MYRIP: variants seen among roughly 807,000 people sequenced by gnomAD.
MYRIP encodes the protein rab effector MyRIP.
Under a neutral mutation model 98.0 loss-of-function variants are expected in MYRIP, and 49 were observed. The ratio of observed to expected loss-of-function variants is 0.50; its 90% CI spans 0.40 to 0.63. MYRIP has a LOEUF of 0.63. Among genes scored for constraint, MYRIP ranks in the 30% least tolerant of loss-of-function variants. The pLI is 0.00. For synonymous variants in MYRIP, 404 were observed against 409.5 expected, an observed-to-expected ratio of 0.99 and a Z score of 0.16; for missense variants, 1,004 against 1,058.2, an observed-to-expected ratio of 0.95 and a Z score of 0.71.
At chr3:39,905,144 C>T (rs1943846691) in intron 2 of MYRIP, among the ~76,000 whole-genome samples, 1 of 152,152 alleles carries the variant, frequency 6.6e-6, no homozygotes, top group Non-Finnish European at 1.5e-5. Context: ...TCAAAAAGTT[C>T]ATATTGTACT....
chr3:40,090,938 T>C (rs1418810981), intron 3 of MYRIP, among the ~76,000 whole-genome samples: 1 of 152,194 alleles, frequency 6.6e-6, no homozygotes, highest in Non-Finnish European at 1.5e-5. Context: ...GGATGCCGTT[T>C]CTTTCTTTCA....
intron 9 of MYRIP, among the ~76,000 whole-genome samples, chr3:40,189,602 T>G (rs1951142979): frequency 1.3e-5 from 2 of 152,170 alleles, no homozygotes; most frequent in Non-Finnish European, 1.5e-5. Flanking sequence ...ATCTCTGAGT[T>G]TCTCTGCATC....
intron 3 of MYRIP, among the ~76,000 whole-genome samples, chr3:40,058,546 TTGCTA>T (rs1270807302): frequency 1.3e-5 from 2 of 152,202 alleles, no homozygotes; most frequent in African/African-American, 4.8e-5. Context: ...TTTTAAAAGT[TTGCTA>T]TGCAATTATA....
intron 2 of MYRIP, among the ~76,000 whole-genome samples, chr3:39,934,625 T>C (rs184317881): frequency 1.3e-5 from 2 of 152,290 alleles, no homozygotes; most frequent in African/African-American, 4.8e-5. Flanking sequence ...CAGGATCTGA[T>C]GAGAAGCTTT....
intron 1 of MYRIP, among the ~76,000 whole-genome samples, chr3:39,813,679 T>G (rs1940777080): frequency 6.6e-6 from 1 of 152,188 alleles, no homozygotes; most frequent in Non-Finnish European, 1.5e-5. Context: ...TTCTTTTGTC[T>G]TCACTGGCAC....
At chr3:39,879,402 G>A (rs1401579144) in intron 1 of MYRIP, among the ~76,000 whole-genome samples, 4 of 150,082 alleles carry the variant, frequency 2.7e-5, no homozygotes, top group Non-Finnish European at 4.4e-5. Flanking sequence ...TTCCTCACAT[G>A]TCTAGCAATT....
At chr3:40,026,197 A>G (rs571978328) in intron 2 of MYRIP, among the ~76,000 whole-genome samples, 59 of 152,192 alleles carry the variant, frequency 3.9e-4, no homozygotes, top group African/African-American at 1.3e-3. Flanking sequence ...CCTTGCTAGG[A>G]AAAGAATTTA....
chr3:39,917,182 T>A (rs1436746985), intron 2 of MYRIP, among the ~76,000 whole-genome samples: 1 of 152,014 alleles, frequency 6.6e-6, no homozygotes, highest in Non-Finnish European at 1.5e-5. Context: ...TACATATGAC[T>A]AAAAAGAATA....
chr3:40,099,454 A>G (rs1294169639), intron 3 of MYRIP, among the ~76,000 whole-genome samples: 1 of 152,194 alleles, frequency 6.6e-6, no homozygotes, highest in African/African-American at 2.4e-5. Context: ...ACAAATAAAG[A>G]TACTGAGGTT....
intron 2 of MYRIP, among the ~76,000 whole-genome samples, chr3:39,984,236 A>ATTTG (rs1171816433): frequency 1.1e-5 from 1 of 92,712 alleles, no homozygotes; most frequent in African/African-American, 4.5e-5. Flanking sequence ...TATTTTATTT[A>ATTTG]TTGTTATACT....
At position 40,096,113 on chromosome 3, in the gene MYRIP, A is replaced by G. The variant is rs146612689; in HGVS notation, c.332+51842A>G. Among the ~76,000 whole-genome samples the G allele has an allele frequency of 3.7e-3, 551 of 149,504 alleles. 4 individuals carry two copies. The highest frequency in any genetic ancestry group is 0.013 in the African/African-American group (525 of 40,416). The stretch of plus-strand genomic sequence containing the variant: ...CCATGTCTGTGACTGCTGTCCCTTC[A>G]AAGGTTGGCCTTCATAGGTTTTCTC... On this transcript the variant is annotated intron_variant, in intron 3 of 16. Transcript: ENST00000302541.
chr3:39,991,004 T>C (rs372354491), intron 2 of MYRIP, among the ~76,000 whole-genome samples: 29 of 151,628 alleles, frequency 1.9e-4, no homozygotes, highest in African/African-American at 6.8e-4. Context: ...TGTCGGGGAG[T>C]GTGGGGCTAC....
chr3:40,126,801 C>T (rs761233792), intron 3 of MYRIP, among the ~76,000 whole-genome samples: 3 of 152,182 alleles, frequency 2.0e-5, no homozygotes, highest in Non-Finnish European at 4.4e-5. Context: ...AGTTGAGTCT[C>T]ACTAGGCAGA....
intron 1 of MYRIP, among the ~76,000 whole-genome samples, chr3:39,900,539 A>T (rs926708704): frequency 2.9e-5 from 4 of 139,506 alleles, no homozygotes; most frequent in Non-Finnish European, 3.0e-5. Flanking sequence ...TTTGTTATAA[A>T]GAATTTTTTT....
At chr3:39,933,117 C>A (rs1944578087) in intron 2 of MYRIP, among the ~76,000 whole-genome samples, 1 of 152,168 alleles carries the variant, frequency 6.6e-6, no homozygotes, top group Admixed American at 6.5e-5. Flanking sequence ...TATTTATTCA[C>A]CCATCATTGC....
intron 12 of MYRIP, among the ~76,000 whole-genome samples, chr3:40,242,922 T>A (rs1953070361): frequency 6.6e-6 from 1 of 152,192 alleles, no homozygotes; most frequent in African/African-American, 2.4e-5. Flanking sequence ...GAATAATTTC[T>A]TCACTCAAAT....
At chr3:40,127,320 C>T (rs1265348891) in intron 3 of MYRIP, among the ~76,000 whole-genome samples, 1 of 152,152 alleles carries the variant, frequency 6.6e-6, no homozygotes, top group African/African-American at 2.4e-5. Context: ...AGGTAAGGAA[C>T]AGGGCACCCA....
intron 3 of MYRIP, among the ~76,000 whole-genome samples, chr3:40,072,398 G>A (rs951730038): frequency 4.6e-5 from 7 of 151,832 alleles, no homozygotes; most frequent in Non-Finnish European, 7.4e-5. Flanking sequence ...TAGTAGAGAC[G>A]GTTTCACAAT....
At chr3:39,824,127 G>C (rs1941198481) in intron 1 of MYRIP, among the ~76,000 whole-genome samples, 1 of 152,106 alleles carries the variant, frequency 6.6e-6, no homozygotes, top group African/African-American at 2.4e-5. Context: ...CTCGGTGAAT[G>C]CTCTTGGTGC....
Sources: allele counts gnomAD v4.1 joint callset (sites outside exome capture counted in the v4.1 genomes callset), GRCh38; gene constraint gnomAD v4.1.1; transcripts MANE v1.5; gene names NCBI Gene and HGNC (gene_info 2026-07-23, HGNC 2026-07-21).